The following MAGI2 variants were observed in gnomAD, a reference collection of about 807,000 sequenced individuals.
MAGI2 encodes the protein membrane-associated guanylate kinase, WW and PDZ domain-containing protein 2.
MAGI2 carries 35 observed loss-of-function variants against 133.3 expected under a neutral mutation model. That is an observed-to-expected ratio of 0.26 (90% CI 0.20 to 0.35). The LOEUF (loss-of-function observed/expected upper bound fraction) is 0.35. Among genes scored for constraint, MAGI2 ranks in the 10% least tolerant of loss-of-function variants. MAGI2 has a pLI of 1.00. For synonymous variants in MAGI2, 729 were observed against 710.6 expected, an observed-to-expected ratio of 1.03 and a Z score of -0.41; for missense variants, 1,636 against 1,863.4, an observed-to-expected ratio of 0.88 and a Z score of 2.25.
chr7:79,137,500 T>G (rs566936207), intron 1 of MAGI2, among the ~76,000 whole-genome samples: 2 of 151,092 alleles, frequency 1.3e-5, no homozygotes, highest in African/African-American at 4.9e-5. Flanking sequence ...TAGTTTGTAG[T>G]GTAGTGTAGT....
intron 3 of MAGI2, among the ~76,000 whole-genome samples, chr7:78,567,732 C>T (rs544186798): frequency 3.9e-5 from 6 of 152,232 alleles, no homozygotes; most frequent in South Asian, 2.1e-4. Flanking sequence ...CATATACATA[C>T]GCTAGAATAT....
intron 1 of MAGI2, among the ~76,000 whole-genome samples, chr7:79,156,559 A>C (rs1823801901): frequency 6.6e-6 from 1 of 152,114 alleles, no homozygotes; most frequent in African/African-American, 2.4e-5. Context: ...AAACTCAACC[A>C]ATTGTCAACC....
intron 1 of MAGI2, among the ~76,000 whole-genome samples, chr7:79,171,862 A>G (rs7799239): frequency 0.055 from 8,208 of 148,514 alleles, 488 homozygotes; most frequent in East Asian, 0.16. Context: ...TCTCATCCCA[A>G]CATACACATC....
At chr7:78,629,643 A>C (rs1808751275) in intron 2 of MAGI2, among the ~76,000 whole-genome samples, 1 of 152,176 alleles carries the variant, frequency 6.6e-6, no homozygotes, top group Non-Finnish European at 1.5e-5. Flanking sequence ...TTTCTCTGAC[A>C]AAGTACTCCA....
At chr7:79,179,209 A>AT (rs1312768117) in intron 1 of MAGI2, among the ~76,000 whole-genome samples, 1 of 151,868 alleles carries the variant, frequency 6.6e-6, no homozygotes. Context: ...GAAAACACCT[A>AT]TTTTTTCCTT....
chr7:78,192,942 G>A (rs956487608), intron 12 of MAGI2, among the ~76,000 whole-genome samples: 2 of 152,078 alleles, frequency 1.3e-5, no homozygotes, highest in Non-Finnish European at 2.9e-5. Context: ...GGCTGTAGAG[G>A]GAAAGGGCGA....
chr7:79,182,688 T>C (rs568809148), intron 1 of MAGI2, among the ~76,000 whole-genome samples: 1 of 151,886 alleles, frequency 6.6e-6, no homozygotes, highest in Admixed American at 6.6e-5. Context: ...TAAGAGTACG[T>C]CCAAAGAAAA....
At chr7:79,184,675 C>T (rs898362288) in intron 1 of MAGI2, among the ~76,000 whole-genome samples, 2 of 151,498 alleles carry the variant, frequency 1.3e-5, no homozygotes, top group East Asian at 1.9e-4. Context: ...AAAAGTTCCT[C>T]GTAAAGCAGT....
At chr7:78,633,649 T>C (rs1053467305) in intron 2 of MAGI2, among the ~76,000 whole-genome samples, 33 of 137,220 alleles carry the variant, frequency 2.4e-4, no homozygotes, top group South Asian at 4.4e-4. Context: ...GAGCTTGCAG[T>C]GAGCAGAGAT....
intron 3 of MAGI2, among the ~76,000 whole-genome samples, chr7:78,571,948 T>TA (rs1801541191): frequency 6.6e-6 from 1 of 152,192 alleles, no homozygotes; most frequent in Admixed American, 6.5e-5. Context: ...CAATTTCTGA[T>TA]ATGGCAAAGT....
At chr7:79,278,522 A>G (rs1425586431) in intron 1 of MAGI2, among the ~76,000 whole-genome samples, 2 of 152,178 alleles carry the variant, frequency 1.3e-5, no homozygotes, top group African/African-American at 2.4e-5. Flanking sequence ...TTCAAATATC[A>G]TAATATTGTG....
At chr7:79,108,483 C>T in intron 1 of MAGI2, among the ~76,000 whole-genome samples, 1 of 152,072 alleles carries the variant, frequency 6.6e-6, no homozygotes. Context: ...GATGGAAATA[C>T]CTAGTTGGAA....
rs1041778916 is a variant in MAGI2, at chr7:78,340,150, T to C, written c.1408+3628A>G. Among the ~76,000 whole-genome samples, 5 of 152,170 alleles carry C rather than the reference T, an allele frequency of 3.3e-5. No individual in the cohort carries two copies. The East Asian group carries it at 5.8e-4, about 18-fold the overall frequency. On this transcript the variant is annotated intron_variant, in intron 9 of 21. Transcript: ENST00000354212. ...TAATTTTTGTATCTATTAGAACTGA[T>C]TGAGTTTATAAAGTTGATATCATGA...
At chr7:78,294,019 T>C (rs138239787) in intron 9 of MAGI2, among the ~76,000 whole-genome samples, 42 of 152,250 alleles carry the variant, frequency 2.8e-4, no homozygotes, top group African/African-American at 9.4e-4. Flanking sequence ...ATGGCACATG[T>C]ATACAAATGT....
At chr7:78,562,607 C>G (rs931560268) in intron 3 of MAGI2, among the ~76,000 whole-genome samples, 9 of 152,082 alleles carry the variant, frequency 5.9e-5, no homozygotes, top group African/African-American at 2.2e-4. Context: ...CTCAGTGAAA[C>G]AGGTAAAAAA....
intron 1 of MAGI2, among the ~76,000 whole-genome samples, chr7:79,336,007 A>G (rs2129095073): frequency 6.6e-6 from 1 of 152,212 alleles, no homozygotes; most frequent in East Asian, 1.9e-4. Context: ...GTAGACATTC[A>G]ATTATATTAT....
intron 1 of MAGI2, among the ~76,000 whole-genome samples, chr7:79,021,469 G>T (rs1358242931): frequency 6.6e-6 from 1 of 152,224 alleles, no homozygotes; most frequent in Non-Finnish European, 1.5e-5. Context: ...GCATCAGTGT[G>T]ACCTGAATGT....
At position 78,018,180 on chromosome 7, in the gene MAGI2, C is replaced by T. The variant is rs915560655; in HGVS notation, c.*1135G>A. 10 of 152,306 alleles carry T rather than the reference C, an allele frequency of 6.6e-5. No homozygotes were observed. The highest frequency in any genetic ancestry group is 6.5e-4 in the Admixed American group (10 of 15,268). The allele number at this position is 152,306 out of a possible 1,614,324, so 9.4% of individuals were successfully genotyped here. ...AAGAAAACTAATGGAAACAAAAGGA[C>T]AAAGGGTAAGGAAAGAAGGATAAGC... On this transcript the variant is annotated 3_prime_UTR_variant, in exon 22 of 22. Coordinates refer to ENST00000354212, the MANE Select transcript of MAGI2 (RefSeq NM_012301.4).
At chr7:78,686,851 C>T (rs1179633731) in intron 2 of MAGI2, among the ~76,000 whole-genome samples, 1 of 152,186 alleles carries the variant, frequency 6.6e-6, no homozygotes, top group Non-Finnish European at 1.5e-5. Flanking sequence ...GAAACCTTTT[C>T]TAATCACTAG....
Sources: gnomAD v4.1 joint callset for allele counts (sites outside exome capture counted in the v4.1 genomes callset) on GRCh38, gnomAD v4.1.1 for gene constraint, MANE v1.5 for transcripts, NCBI Gene and HGNC (gene_info 2026-07-23, HGNC 2026-07-21) for gene names.